Variants in ANK1 observed in about 807,000 individuals in gnomAD.
ANK1 encodes ankyrin-1.
In ANK1, 51 loss-of-function variants were observed where a neutral mutation model predicts 210.4. The observed-to-expected ratio is 0.24, with a 90% CI of 0.19 to 0.31. The LOEUF (loss-of-function observed/expected upper bound fraction) is 0.31. Among genes scored for constraint, ANK1 ranks in the 10% least tolerant of loss-of-function variants. The pLI, the probability that ANK1 is intolerant of heterozygous loss-of-function variation, is 1.00. For missense variants in ANK1, 2,051 were observed against 2,504.4 expected (o/e 0.82, Z 3.86); for synonymous variants, 967 against 1,025.9 (o/e 0.94, Z 1.10).
At position 41,706,167 on chromosome 8, in the gene ANK1, G is replaced by T. The variant is rs1137177; in HGVS notation, c.2073C>A (p.Gly691=). 1 of 1,613,638 alleles carries T rather than the reference G, an allele frequency of 6.2e-7. No homozygotes were observed. The highest frequency in any genetic ancestry group is 1.3e-5 in the African/African-American group (1 of 74,916). ...VPVADVLIKH[G]VMVDATTRMG... ...CCCGGGTGGTGGCGTCCACCATGAC[G>T]CCGTGTTTGATCAGCACATCTGCCA... The change falls in exon 18 of 43, where the codon GGC becomes GGA. Residue 691 remains glycine, a synonymous_variant. Coordinates refer to ENST00000289734, the MANE Select transcript of ANK1 (RefSeq NM_000037.4).
intron 1 of ANK1, among the ~76,000 whole-genome samples, chr8:41,861,863 C>G (rs190167869): frequency 6.6e-6 from 1 of 152,220 alleles, no homozygotes; most frequent in Admixed American, 6.5e-5. Context: ...TCTGAGCACG[C>G]CTTCTTAGAA....
chr8:41,672,768 A>G lies in ANK1; in HGVS notation c.4682T>C (p.Leu1561Pro), dbSNP rs1480918023. The change falls in exon 38 of 43, where the codon CTG becomes CCG. Residue 1561 changes from leucine to proline, a missense_variant. Physicochemically the swap from Leu to Pro is moderately conservative, Grantham distance 98 (BLOSUM62 -3). This residue lies in a region of ANK1 where 496 missense variants were observed against 533.4 expected (regional missense o/e 0.93). Coordinates refer to ENST00000289734, the MANE Select transcript of ANK1 (RefSeq NM_000037.4). Reference protein sequence around the residue: ...PLAATEHDTMLEMSDMQVWSA... With the variant: ...PLAATEHDTMPEMSDMQVWSA... ...CCACACCTGCATGTCAGACATCTCC[A>G]GCATGGTGTCATGCTCCGTGGCCGC... 6.2e-7 allele frequency: 1 copy of G among 1,603,096 alleles called. No homozygotes were observed. Among genetic ancestry groups the G allele is most frequent in the African/African-American group, 1.3e-5 (1 of 74,892 alleles).
At chr8:41,771,667 G>T (rs2150734550) in intron 1 of ANK1, among the ~76,000 whole-genome samples, 1 of 152,292 alleles carries the variant, frequency 6.6e-6, no homozygotes, top group South Asian at 2.1e-4. Flanking sequence ...CTCCTTGCAG[G>T]TCTCTCTGCA....
At chr8:41,891,919 G>C (rs2150838300) in intron 1 of ANK1, among the ~76,000 whole-genome samples, 1 of 152,304 alleles carries the variant, frequency 6.6e-6, no homozygotes, top group Admixed American at 6.5e-5. Context: ...GCCAAATTGA[G>C]GCTTTACATA....
At chr8:41,668,196 C>G (rs1406347847) in intron 39 of ANK1, 71 bp downstream of exon 39, 46 of 1,602,444 alleles carry the variant, frequency 2.9e-5, no homozygotes, top group Non-Finnish European at 3.7e-5. Flanking sequence ...GCCTGAGAGG[C>G]AGCCCTGGAG....
At chr8:41,854,591 A>G (rs1811841308) in intron 1 of ANK1, among the ~76,000 whole-genome samples, 1 of 152,138 alleles carries the variant, frequency 6.6e-6, no homozygotes, top group African/African-American at 2.4e-5. Context: ...AGGGCCTTCC[A>G]GTTACTGGCT....
intron 2 of ANK1, among the ~76,000 whole-genome samples, chr8:41,741,420 G>C (rs1834767363): frequency 6.6e-6 from 1 of 152,030 alleles, no homozygotes; most frequent in South Asian, 2.1e-4. Context: ...TGGCCTTCAA[G>C]AACTTTTAAG....
At chr8:41,825,842 G>A (rs904735218) in intron 1 of ANK1, among the ~76,000 whole-genome samples, 1 of 152,156 alleles carries the variant, frequency 6.6e-6, no homozygotes, top group Non-Finnish European at 1.5e-5. Flanking sequence ...CCCTGCACAT[G>A]TTCTCTTGCC....
At chr8:41,818,349 T>A (rs141923667) in intron 1 of ANK1, among the ~76,000 whole-genome samples, 11 of 152,286 alleles carry the variant, frequency 7.2e-5, no homozygotes, top group African/African-American at 1.4e-4. Flanking sequence ...AGAAGAGGAA[T>A]TTAGGCCAAA....
At chr8:41,709,018 T>C in intron 16 of ANK1, 43 bp from the exon 17 acceptor site, 1 of 1,610,664 alleles carries the variant, frequency 6.2e-7, no homozygotes, top group South Asian at 1.1e-5. Flanking sequence ...ACAGGAATGC[T>C]GAGCTGACAA....
intron 42 of ANK1, among the ~76,000 whole-genome samples, chr8:41,658,599 G>T (rs1806589947): frequency 6.6e-6 from 1 of 152,142 alleles, no homozygotes; most frequent in Non-Finnish European, 1.5e-5. Flanking sequence ...CTATAAATTA[G>T]TCGCTGTTTG....
chr8:41,683,075 C>A (rs1425545815), intron 37 of ANK1, among the ~76,000 whole-genome samples: 3 of 151,514 alleles, frequency 2.0e-5, no homozygotes. Flanking sequence ...CACATGAACA[C>A]GTGCACACAC....
At chr8:41,683,157 C>T (rs1363996348) in intron 37 of ANK1, among the ~76,000 whole-genome samples, 3 of 152,182 alleles carry the variant, frequency 2.0e-5, no homozygotes, top group South Asian at 2.1e-4. Context: ...CCATGAGATG[C>T]GTGGGGAGAC....
Position 41,714,025 on chromosome 8 carries a change from G to A in ANK1, c.1800+131C>T, listed in dbSNP as rs575322439. On this transcript the variant is annotated intron_variant, in intron 16 of 42. Transcript: ENST00000289734. ...GGTAACATGTGGGAAAGTGAGGCGT[G>A]ATTTCTGAGGTAAAAATAGCAACAG... The A allele has an allele frequency of 1.2e-5, 7 of 575,960 alleles. No homozygotes were observed. In the South Asian group the frequency reaches 6.1e-4, roughly 50 times the overall value. The allele number at this position is 575,960 out of a possible 1,614,324, so 35.7% of individuals were successfully genotyped here.
At chr8:41,793,388 A>G (rs377619219) in intron 1 of ANK1, among the ~76,000 whole-genome samples, 5 of 152,000 alleles carry the variant, frequency 3.3e-5, no homozygotes, top group Middle Eastern at 3.4e-3. Context: ...TCAAACAAAC[A>G]AACAATAAAA....
intron 42 of ANK1, among the ~76,000 whole-genome samples, chr8:41,659,539 T>C (rs537474649): frequency 2.0e-4 from 31 of 152,330 alleles, no homozygotes; most frequent in African/African-American, 7.2e-4. Context: ...TTGTCGGGGA[T>C]GCGGATAGTA....
chr8:41,851,181 G>A (rs1811163554), intron 1 of ANK1, among the ~76,000 whole-genome samples: 3 of 152,212 alleles, frequency 2.0e-5, no homozygotes, highest in African/African-American at 7.2e-5. Flanking sequence ...ACCAAATCAT[G>A]ATCAATATTA....
chr8:41,668,468 T>C lies in ANK1; in HGVS notation c.5193A>G (p.Ser1731=). 9.3e-6 allele frequency: 15 copies of C among 1,614,222 alleles called. No homozygotes were observed. Among genetic ancestry groups the C allele is most frequent in the Non-Finnish European group, 1.3e-5 (15 of 1,180,014 alleles). The part of the protein sequence containing the change: ...WQEEVTQGPH[S]FQGTSTMTEG... ...CAGTCATGGTACTTGTTCCCTGGAA[T>C]GAGTGTGGACCTTGCGTGACCTCCT... The change falls in exon 39 of 43, where the codon TCA becomes TCG. Residue 1731 remains serine (S), a synonymous_variant. Coordinates refer to ENST00000289734, the MANE Select transcript of ANK1 (RefSeq NM_000037.4).
Position 41,661,550 on chromosome 8 carries a change from C to A in ANK1, c.5559G>T (p.Gly1853=), listed in dbSNP as rs1230571857. The change falls in exon 42 of 43, where the codon GGG becomes GGT. Residue 1853 remains glycine, a synonymous_variant. Transcript: ENST00000289734. ...AQEHEEVELR[G]SGLQPDLIEG... ...CTATCAGGTCCGGCTGTAGGCCACT[C>A]CCTCTCAGCTCCACCTGCAGACAGC... 6.2e-7 allele frequency: 1 copy of A among 1,613,972 alleles called. No homozygotes were observed. The highest frequency in any genetic ancestry group is 8.5e-7 in the Non-Finnish European group (1 of 1,180,034).
Sources: gnomAD v4.1 joint callset for allele counts (sites outside exome capture counted in the v4.1 genomes callset) on GRCh38, gnomAD v4.1.1 for gene constraint, gnomAD v4.1.1 regional missense constraint, MANE v1.5 for transcripts, NCBI Gene and HGNC (gene_info 2026-07-23, HGNC 2026-07-21) for gene names.